Variants in SPAM1 observed in about 807,000 individuals in gnomAD.
The protein encoded by SPAM1 is hyaluronidase PH-20.
Under a neutral mutation model 29.6 loss-of-function variants are expected in SPAM1, and 22 were observed. That is an observed-to-expected ratio of 0.74 (90% CI 0.53 to 1.06). The LOEUF (loss-of-function observed/expected upper bound fraction) is 1.06. SPAM1 is among the 50% of genes least tolerant of loss of function. The probability of loss-of-function intolerance (pLI) is 0.00; values close to 1 mark genes in which losing one functional copy is unlikely to be tolerated. For synonymous variants in SPAM1, 194 were observed against 204.6 expected (o/e 0.95, Z 0.44); for missense variants, 534 against 604.0 (o/e 0.88, Z 1.21).
chr7:123,944,628 G>A (rs1808518984), intron 1 of SPAM1, among the ~76,000 whole-genome samples: 1 of 152,090 alleles, frequency 6.6e-6, no homozygotes, highest in Non-Finnish European at 1.5e-5. Context: ...CATAGGAGGT[G>A]CTTCCTGAGC....
At chr7:123,970,728 A>G (rs1792487322) in intron 6 of SPAM1, among the ~76,000 whole-genome samples, 1 of 151,818 alleles carries the variant, frequency 6.6e-6, no homozygotes, top group Non-Finnish European at 1.5e-5. Context: ...TTTAATTAAT[A>G]AAGACTTTAA....
Position 123,955,015 on chromosome 7 carries a change from T to G in SPAM1, c.973T>G (p.Phe325Val). The G allele has an allele frequency of 6.2e-7, 1 of 1,611,246 alleles. No homozygotes were observed. Among genetic ancestry groups the G allele is most frequent in the Non-Finnish European group, 8.5e-7 (1 of 1,177,862 alleles). Reference protein sequence around the residue: ...FLSQDELVYTFGETVALGASG... With the variant: ...FLSQDELVYTVGETVALGASG... ...TTTCCAGGATGAACTTGTGTATACA[T>G]TTGGCGAAACTGTTGCTCTGGGTGC... The change falls in exon 4 of 5, where the codon TTT becomes GTT. Residue 325 changes from phenylalanine (F) to valine (V), a missense_variant. By Grantham distance (50) the Phe-to-Val change is conservative. Transcript: ENST00000682466.
rs142644076 is a variant in SPAM1, at chr7:123,954,443, A to G, written c.873A>G (p.Ile291Met). Residue 291 changes from isoleucine to methionine, a missense_variant, in exon 3 of 5, where the codon ATA (isoleucine) becomes ATG (methionine). By Grantham distance (10) the Ile-to-Met change is conservative. Coordinates refer to ENST00000682466, the MANE Select transcript of SPAM1 (RefSeq NM_153189.3). ...RVREAIRVSK[I>M]PDAKSPLPVF... ...GGGAAGCCATCAGAGTTTCCAAAAT[A>G]CCTGATGCAAAAAGTCCACTTCCGG... 4.5e-5 allele frequency: 72 copies of G among 1,613,196 alleles called. No homozygotes were observed. The highest frequency in any genetic ancestry group is 6.0e-5 in the Non-Finnish European group (71 of 1,179,566).
intron 4 of SPAM1, among the ~76,000 whole-genome samples, chr7:123,956,856 G>T (rs1442699263): frequency 6.6e-6 from 1 of 151,964 alleles, no homozygotes; most frequent in Non-Finnish European, 1.5e-5. Flanking sequence ...TGTTTGGGAG[G>T]TAGCTTGAAA....
chr7:123,954,912 G>T, intron 3 of SPAM1, 85 bp from the exon 4 acceptor site: 1 of 823,616 alleles, frequency 1.2e-6, no homozygotes, highest in Non-Finnish European at 2.1e-6. Flanking sequence ...TATTGGGTCA[G>T]CATGCTTAGC....
intron 1 of SPAM1, among the ~76,000 whole-genome samples, chr7:123,948,224 G>A (rs992290285): frequency 1.3e-5 from 2 of 151,998 alleles, no homozygotes; most frequent in African/African-American, 4.8e-5. Context: ...GGGATATTAC[G>A]CTGGTCTCTT....
chr7:123,964,887 AAT>A (rs2117077791), downstream of SPAM1, among the ~76,000 whole-genome samples: 1 of 152,092 alleles, frequency 6.6e-6, no homozygotes, highest in East Asian at 1.9e-4. Flanking sequence ...TTAATCCTTG[AAT>A]AGTTAGAGTT....
rs1368529414 is a variant in SPAM1 at position 123,959,594 on chromosome 7, A to G, written c.1155A>G (p.Gly385=). ...GCCAAGTGCTTTGCCAGGAGCAAGG[A>G]GTGTGTATAAGGAAAAACTGGAATT... ...MCSQVLCQEQ[G]VCIRKNWNSS... The change falls in exon 5 of 5, where the codon GGA becomes GGG. Residue 385 remains glycine (G), a synonymous_variant. Coordinates refer to ENST00000682466, the MANE Select transcript of SPAM1 (RefSeq NM_153189.3). 2 of 1,613,244 alleles carry G rather than the reference A, an allele frequency of 1.2e-6. No homozygotes were observed. The highest frequency in any genetic ancestry group is 1.7e-6 in the Non-Finnish European group (2 of 1,179,556).
downstream of SPAM1, among the ~76,000 whole-genome samples, chr7:123,964,650 T>C (rs1438364096): frequency 1.3e-5 from 2 of 151,916 alleles, no homozygotes; most frequent in Non-Finnish European, 2.9e-5. Context: ...TCAGCCTCCT[T>C]AGTAGCTGAA....
intron 2 of SPAM1, among the ~76,000 whole-genome samples, chr7:123,952,776 T>C (rs1380096276): frequency 6.6e-6 from 1 of 151,978 alleles, no homozygotes; most frequent in Admixed American, 6.6e-5. Context: ...TAAGATGTGA[T>C]CGAGCAGCGT....
At chr7:123,942,327 T>C (rs1383968849) in intron 1 of SPAM1, among the ~76,000 whole-genome samples, 1 of 152,234 alleles carries the variant, frequency 6.6e-6, no homozygotes, top group Non-Finnish European at 1.5e-5. Flanking sequence ...GACTAGAATC[T>C]AACAACAGGT....
intron 1 of SPAM1, among the ~76,000 whole-genome samples, chr7:123,935,165 A>G (rs1808213269): frequency 6.6e-6 from 1 of 152,156 alleles, no homozygotes; most frequent in African/African-American, 2.4e-5. Flanking sequence ...TTCCTAATAC[A>G]GGGAGGGTGC....
rs879793604 is a variant in SPAM1 at position 123,970,614 on chromosome 7, T to A, written c.*48+318T>A. On this transcript the variant is annotated intron_variant, in intron 6 of 6. Transcript: ENST00000340011. ...TACAAATAATAATAATAATAATTAT[T>A]ATTATTATTATAGTAAGGCACTAGG... Among the ~76,000 whole-genome samples, 859 of 104,936 alleles carry A rather than the reference T, an allele frequency of 8.2e-3. 9 individuals are homozygous for A. The highest frequency in any genetic ancestry group is 0.035 in the African/African-American group (813 of 23,024). The allele number at this position is 104,936 out of a possible 152,430, so 68.8% of individuals were successfully genotyped here.
intron 1 of SPAM1, among the ~76,000 whole-genome samples, chr7:123,930,936 C>T (rs575828098): frequency 5.3e-5 from 8 of 152,240 alleles, no homozygotes; most frequent in South Asian, 2.1e-4. Context: ...AGATGTCCTT[C>T]GTAGCTAAGG....
chr7:123,942,808 A>G (rs1400020885), intron 1 of SPAM1, among the ~76,000 whole-genome samples: 1 of 152,194 alleles, frequency 6.6e-6, no homozygotes, highest in African/African-American at 2.4e-5. Flanking sequence ...TTGCCTCTTT[A>G]ATTCAACTTT....
downstream of SPAM1, among the ~76,000 whole-genome samples, chr7:123,963,508 C>T (rs1418265661): frequency 6.6e-6 from 1 of 151,596 alleles, no homozygotes; most frequent in African/African-American, 2.4e-5. Flanking sequence ...TATTTTTTAT[C>T]TCTTTATATT....
chr7:123,959,974 G>A lies in SPAM1; in HGVS notation c.*5G>A, dbSNP rs745937175. 8.8e-6 allele frequency: 14 copies of A among 1,597,436 alleles called. No homozygotes were observed. The highest frequency in any genetic ancestry group is 2.3e-5 in the South Asian group (2 of 88,330). Reference sequence around the variant, plus strand: ...TCTTCTGTAGCGAGTTTGTAATTGCGCAGGTTAGCTGAAATGAACAATATG... The same window carrying A: ...TCTTCTGTAGCGAGTTTGTAATTGCACAGGTTAGCTGAAATGAACAATATG... On this transcript the variant is annotated 3_prime_UTR_variant, in exon 5 of 5. Transcript: ENST00000682466.
At chr7:123,940,778 G>T (rs995687307) in intron 1 of SPAM1, among the ~76,000 whole-genome samples, 8 of 152,118 alleles carry the variant, frequency 5.3e-5, no homozygotes, top group African/African-American at 1.9e-4. Flanking sequence ...TTACAGCCAT[G>T]AGCTATGGTG....
At chr7:123,965,064 AT>A (rs981198651) in intron 5 of SPAM1, among the ~76,000 whole-genome samples, 3 of 151,962 alleles carry the variant, frequency 2.0e-5, no homozygotes, top group South Asian at 2.1e-4. Flanking sequence ...TGATTTAATT[AT>A]TTTTTTTCCA....
Sources: gnomAD v4.1 joint callset for allele counts (sites outside exome capture counted in the v4.1 genomes callset) on GRCh38, gnomAD v4.1.1 for gene constraint, MANE v1.5 for transcripts, NCBI Gene and HGNC (gene_info 2026-07-23, HGNC 2026-07-21) for gene names.